The following RBMS3 variants were observed in gnomAD, a reference collection of about 807,000 sequenced individuals.
The protein encoded by RBMS3 is RNA-binding motif, single-stranded-interacting protein 3.
Under a neutral mutation model 66.8 loss-of-function variants are expected in RBMS3, and 27 were observed. The ratio of observed to expected loss-of-function variants is 0.40; its 90% CI spans 0.30 to 0.56. The LOEUF (loss-of-function observed/expected upper bound fraction) is 0.56, where lower values mean the gene tolerates loss of function less well. Among genes scored for constraint, RBMS3 ranks in the 20% least tolerant of loss-of-function variants. RBMS3 has a pLI of 0.40. For missense variants in RBMS3, 513 were observed against 549.5 expected, an observed-to-expected ratio of 0.93 and a Z score of 0.66; for synonymous variants, 188 against 183.0, an observed-to-expected ratio of 1.03 and a Z score of -0.22.
intron 2 of RBMS3, among the ~76,000 whole-genome samples, chr3:29,446,314 A>G (rs1268631734): frequency 2.1e-5 from 3 of 146,046 alleles, no homozygotes; most frequent in African/African-American, 7.4e-5. Context: ...ATTGTAATTC[A>G]TATTTTTATA....
chr3:29,544,954 T>C (rs6792997), intron 3 of RBMS3, among the ~76,000 whole-genome samples: 24,958 of 152,114 alleles, frequency 0.16, 3,600 homozygotes, highest in African/African-American at 0.37. Context: ...TCAGATTTTA[T>C]GTAAGTTCCT....
chr3:29,668,387 C>G (rs1016789720), intron 4 of RBMS3, among the ~76,000 whole-genome samples: 6 of 152,228 alleles, frequency 3.9e-5, no homozygotes, highest in African/African-American at 1.4e-4. Context: ...AATACTACTA[C>G]TGGCCTAGGC....
At chr3:29,591,029 G>T (rs1016850004) in intron 4 of RBMS3, among the ~76,000 whole-genome samples, 4 of 152,118 alleles carry the variant, frequency 2.6e-5, no homozygotes, top group African/African-American at 9.7e-5. Flanking sequence ...AGCAATTTGT[G>T]CTTACAACTC....
At chr3:29,528,047 A>G (rs2045203141) in intron 3 of RBMS3, among the ~76,000 whole-genome samples, 1 of 151,924 alleles carries the variant, frequency 6.6e-6, no homozygotes, top group Non-Finnish European at 1.5e-5. Flanking sequence ...AAGCATAAAC[A>G]AATCAGGTTA....
rs563302130 is a variant in RBMS3, at chr3:29,472,070, A to G, written c.249-16371A>G. On this transcript the variant is annotated intron_variant, in intron 2 of 14. Transcript: ENST00000383767. Reference sequence around the variant, plus strand: ...TTATTGAAAAGTAACAAGTAGATAGAAAATTGTACTAATCGTCAGTGTATA... The same window carrying G: ...TTATTGAAAAGTAACAAGTAGATAGGAAATTGTACTAATCGTCAGTGTATA... 3.9e-5 allele frequency among the ~76,000 whole-genome samples: 6 copies of G among 152,274 alleles called. No individual in the cohort carries two copies. The South Asian group carries it at 1.2e-3, about 32-fold the overall frequency.
At chr3:29,786,525 C>T (rs998904157) in intron 6 of RBMS3, among the ~76,000 whole-genome samples, 2 of 152,016 alleles carry the variant, frequency 1.3e-5, no homozygotes, top group South Asian at 2.1e-4. Flanking sequence ...GAATGGAGAA[C>T]CCAGAAATAA....
intron 10 of RBMS3, among the ~76,000 whole-genome samples, chr3:29,907,623 T>C (rs1266724836): frequency 6.6e-6 from 1 of 152,148 alleles, no homozygotes; most frequent in Non-Finnish European, 1.5e-5. Flanking sequence ...GTTAAAAATA[T>C]ACTTCCGGAT....
chr3:29,884,947 G>A (rs2059834223), intron 8 of RBMS3, among the ~76,000 whole-genome samples: 1 of 151,830 alleles, frequency 6.6e-6, no homozygotes, highest in Admixed American at 6.6e-5. Flanking sequence ...CTGTCTTTCA[G>A]TCTCATTATA....
chr3:29,987,546 A>G (rs900424545), intron 12 of RBMS3, among the ~76,000 whole-genome samples: 3 of 152,346 alleles, frequency 2.0e-5, no homozygotes, highest in Non-Finnish European at 4.4e-5. Context: ...TGAGAATGAA[A>G]TGGGAGAAGG....
intron 4 of RBMS3, among the ~76,000 whole-genome samples, chr3:29,726,745 A>G (rs892216393): frequency 2.6e-5 from 4 of 152,228 alleles, no homozygotes; most frequent in African/African-American, 9.6e-5. Context: ...GCTCATGGGT[A>G]GGAAGAATCA....
At chr3:29,809,089 ATT>A (rs1200565639) in intron 6 of RBMS3, among the ~76,000 whole-genome samples, 1 of 151,952 alleles carries the variant, frequency 6.6e-6, no homozygotes, top group Admixed American at 6.6e-5. Context: ...ATTTGCGTTT[ATT>A]TCATAACAGT....
intron 1 of RBMS3, among the ~76,000 whole-genome samples, chr3:29,298,617 A>G (rs2033455275): frequency 6.6e-6 from 1 of 151,104 alleles, no homozygotes; most frequent in African/African-American, 2.4e-5. Flanking sequence ...TCCGGGAAAT[A>G]TTTGGTTTCT....
At chr3:29,802,616 T>C (rs1394138234) in intron 6 of RBMS3, among the ~76,000 whole-genome samples, 1 of 152,214 alleles carries the variant, frequency 6.6e-6, no homozygotes, top group Middle Eastern at 3.2e-3. Flanking sequence ...ATAGTTATTT[T>C]AGCTTATATG....
chr3:29,400,255 A>G (rs915013573), intron 1 of RBMS3, among the ~76,000 whole-genome samples: 10 of 152,170 alleles, frequency 6.6e-5, no homozygotes, highest in African/African-American at 2.2e-4. Context: ...CACCACAGAC[A>G]TTCTGACACA....
chr3:29,472,279 C>T (rs1258670821), intron 2 of RBMS3, among the ~76,000 whole-genome samples: 1 of 151,370 alleles, frequency 6.6e-6, no homozygotes, highest in African/African-American at 2.4e-5. Flanking sequence ...CTCACTGCAA[C>T]CTCCACTTCC....
chr3:29,896,339 C>A (rs2060122980), intron 8 of RBMS3, among the ~76,000 whole-genome samples: 1 of 150,910 alleles, frequency 6.6e-6, no homozygotes, highest in Non-Finnish European at 1.5e-5. Context: ...GTCTTTGTCC[C>A]ATAAATTCCA....
chr3:29,778,524 C>A (rs1385556136), intron 6 of RBMS3, among the ~76,000 whole-genome samples: 1 of 151,530 alleles, frequency 6.6e-6, no homozygotes. Context: ...TTCTCAAACA[C>A]CCTTAGGGAA....
intron 6 of RBMS3, among the ~76,000 whole-genome samples, chr3:29,771,326 T>G (rs2056189424): frequency 6.6e-6 from 1 of 152,062 alleles, no homozygotes; most frequent in Admixed American, 6.6e-5. Flanking sequence ...CTCTCCCATC[T>G]TCCTTAAACA....
At chr3:29,852,755 T>A (rs2058968349) in intron 6 of RBMS3, among the ~76,000 whole-genome samples, 1 of 152,156 alleles carries the variant, frequency 6.6e-6, no homozygotes, top group South Asian at 2.1e-4. Flanking sequence ...GTGTGGCAAT[T>A]CTTCAAAGAC....
Sources: gnomAD v4.1 joint callset for allele counts (sites outside exome capture counted in the v4.1 genomes callset) on GRCh38, gnomAD v4.1.1 for gene constraint, MANE v1.5 for transcripts, NCBI Gene and HGNC (gene_info 2026-07-23, HGNC 2026-07-21) for gene names.